RAB38: variants seen among roughly 807,000 people sequenced by gnomAD.
RAB38 encodes ras-related protein Rab-38.
A neutral mutation model predicts 18.4 loss-of-function variants in RAB38; 15 were observed. That is an observed-to-expected ratio of 0.82 (90% CI 0.55 to 1.26). The LOEUF (loss-of-function observed/expected upper bound fraction) is 1.26, where lower values mean the gene tolerates loss of function less well. Among genes scored for constraint, RAB38 ranks in the 50% most tolerant of loss-of-function variants. RAB38 has a pLI of 0.00. For missense variants in RAB38, 294 were observed against 267.4 expected (o/e 1.10, Z -0.69); for synonymous variants, 101 against 104.4 (o/e 0.97, Z 0.20).
At chr11:87,974,212 GTA>G in the RAB38 span, among the ~76,000 whole-genome samples, 1 of 119,544 alleles carries the variant, frequency 8.4e-6, no homozygotes, top group African/African-American at 4.1e-5. Flanking sequence ...GCTGATGTAA[GTA>G]TGTTCTCAAG....
intron 1 of RAB38, among the ~76,000 whole-genome samples, chr11:88,157,378 C>T (rs1943139420): frequency 6.6e-6 from 1 of 152,168 alleles, no homozygotes; most frequent in Non-Finnish European, 1.5e-5. Context: ...AAGACAGAGA[C>T]AACCACATAA....
the RAB38 span, among the ~76,000 whole-genome samples, chr11:88,009,146 G>C: frequency 6.6e-6 from 1 of 152,048 alleles, no homozygotes; most frequent in Non-Finnish European, 1.5e-5. Context: ...ACTGAAATTA[G>C]GTAATTTTAA....
the RAB38 span, among the ~76,000 whole-genome samples, chr11:88,035,487 C>G: frequency 2.0e-5 from 3 of 152,060 alleles, no homozygotes; most frequent in Non-Finnish European, 2.9e-5. Flanking sequence ...CACACAATCA[C>G]AAGGCGAGGT....
At chr11:87,814,764 C>T in the RAB38 span, among the ~76,000 whole-genome samples, 10 of 149,620 alleles carry the variant, frequency 6.7e-5, no homozygotes, top group South Asian at 2.1e-4. Flanking sequence ...GACAGAGTCT[C>T]GCTCTTTCAC....
At chr11:87,946,382 C>A in the RAB38 span, among the ~76,000 whole-genome samples, 7 of 151,978 alleles carry the variant, frequency 4.6e-5, no homozygotes, top group African/African-American at 1.7e-4. Context: ...CTATGAGAGC[C>A]TCTAATTCCG....
the RAB38 span, among the ~76,000 whole-genome samples, chr11:88,021,736 T>C: frequency 6.7e-6 from 1 of 148,800 alleles, no homozygotes; most frequent in East Asian, 2.1e-4. Flanking sequence ...ACTACAGACC[T>C]ACGCTCAACT....
the RAB38 span, chr11:87,816,576 C>A: frequency 6.6e-6 from 1 of 152,080 alleles, no homozygotes; most frequent in East Asian, 1.9e-4. Context: ...TATAGGATCT[C>A]TCTCTCTCCT....
At chr11:88,051,195 G>A in the RAB38 span, among the ~76,000 whole-genome samples, 1 of 151,982 alleles carries the variant, frequency 6.6e-6, no homozygotes, top group Non-Finnish European at 1.5e-5. Context: ...CTGCAATGGA[G>A]TAGGATAACT....
the RAB38 span, among the ~76,000 whole-genome samples, chr11:87,948,168 G>A: frequency 6.6e-6 from 1 of 152,128 alleles, no homozygotes; most frequent in Admixed American, 6.6e-5. Context: ...TTGTGAATGG[G>A]AGTTCATTCA....
chr11:88,023,960 G>C, the RAB38 span, among the ~76,000 whole-genome samples: 1 of 152,052 alleles, frequency 6.6e-6, no homozygotes, highest in Non-Finnish European at 1.5e-5. Context: ...AAACATTGAG[G>C]AAACTCTCCA....
the RAB38 span, among the ~76,000 whole-genome samples, chr11:88,070,318 C>T: frequency 8.5e-5 from 13 of 152,248 alleles, no homozygotes; most frequent in African/African-American, 1.2e-4. Context: ...CTGAAGTCAG[C>T]GAGACCACGA....
the RAB38 span, among the ~76,000 whole-genome samples, chr11:87,976,248 T>G: frequency 6.9e-6 from 1 of 145,642 alleles, no homozygotes; most frequent in Non-Finnish European, 1.5e-5. Context: ...CACCTTCATA[T>G]ATGTTATACA....
intron 2 of RAB38, among the ~76,000 whole-genome samples, chr11:88,138,207 T>A (rs1398399099): frequency 6.6e-6 from 1 of 152,058 alleles, no homozygotes; most frequent in South Asian, 2.1e-4. Flanking sequence ...GGGATGGAGA[T>A]CTCCAAGACA....
chr11:88,088,885 C>G, the RAB38 span, among the ~76,000 whole-genome samples: 4 of 150,938 alleles, frequency 2.7e-5, no homozygotes, highest in Admixed American at 2.0e-4. Flanking sequence ...ACGTCTAAGA[C>G]AAAATGCTTT....
At chr11:87,930,618 A>T in the RAB38 span, among the ~76,000 whole-genome samples, 1 of 152,004 alleles carries the variant, frequency 6.6e-6, no homozygotes. Flanking sequence ...GCTTTTGGTG[A>T]TTTAGACATG....
intron 2 of RAB38, among the ~76,000 whole-genome samples, chr11:88,116,961 C>T (rs1308437301): frequency 6.6e-6 from 1 of 152,100 alleles, no homozygotes; most frequent in African/African-American, 2.4e-5. Flanking sequence ...GAACTGAAAC[C>T]TAAGCTCAAA....
the RAB38 span, among the ~76,000 whole-genome samples, chr11:87,948,220 C>T: frequency 2.8e-3 from 428 of 152,022 alleles, 2 homozygotes; most frequent in Non-Finnish European, 4.9e-3. Context: ...GTATAAGAAT[C>T]CTTGTGATTT....
the RAB38 span, among the ~76,000 whole-genome samples, chr11:87,844,370 T>C: frequency 6.6e-6 from 1 of 152,198 alleles, no homozygotes; most frequent in African/African-American, 2.4e-5. Context: ...AATCTCAGTA[T>C]ATGCCAGGCC....
chr11:88,127,593 A>C (rs955015878), intron 2 of RAB38, among the ~76,000 whole-genome samples: 50 of 152,336 alleles, frequency 3.3e-4, no homozygotes, highest in African/African-American at 1.1e-3. Flanking sequence ...TCACCTAAGT[A>C]GTGCTACCCC....
Sources: allele counts gnomAD v4.1 joint callset (sites outside exome capture counted in the v4.1 genomes callset), GRCh38; gene constraint gnomAD v4.1.1; transcripts MANE v1.5; gene names NCBI Gene and HGNC (gene_info 2026-07-23, HGNC 2026-07-21).